The following PDGFC variants were observed in gnomAD, a reference collection of about 807,000 sequenced individuals.
The protein encoded by PDGFC is platelet-derived growth factor C.
PDGFC carries 12 observed loss-of-function variants against 35.5 expected under a neutral mutation model. The observed-to-expected ratio is 0.34, with a 90% CI of 0.22 to 0.55. PDGFC has a LOEUF of 0.55. Among genes scored for constraint, PDGFC ranks in the 20% least tolerant of loss-of-function variants. The pLI, the probability that PDGFC is intolerant of heterozygous loss-of-function variation, is 0.91. For synonymous variants in PDGFC, 159 were observed against 148.8 expected (o/e 1.07, Z -0.50); for missense variants, 322 against 412.4 (o/e 0.78, Z 1.90).
chr4:156,873,738 T>C (rs1730042110), intron 1 of PDGFC, among the ~76,000 whole-genome samples: 3 of 152,192 alleles, frequency 2.0e-5, no homozygotes. Flanking sequence ...ATGTGTTCAT[T>C]GTTTTAATCC....
chr4:156,790,868 T>C (rs1229603524), intron 3 of PDGFC, among the ~76,000 whole-genome samples: 2 of 152,150 alleles, frequency 1.3e-5, no homozygotes, highest in Non-Finnish European at 2.9e-5. Flanking sequence ...TGGCACAGGG[T>C]AGGAACTTGG....
intron 2 of PDGFC, among the ~76,000 whole-genome samples, chr4:156,845,673 A>G (rs1203502769): frequency 1.3e-5 from 2 of 151,884 alleles, no homozygotes; most frequent in African/African-American, 4.8e-5. Flanking sequence ...TTTTGCCTCC[A>G]TTTGCACATT....
At chr4:156,920,128 A>C (rs1386151964) in intron 1 of PDGFC, among the ~76,000 whole-genome samples, 1 of 152,230 alleles carries the variant, frequency 6.6e-6, no homozygotes, top group African/African-American at 2.4e-5. Flanking sequence ...CCAGAAGCTG[A>C]GCAGATACCA....
intron 1 of PDGFC, among the ~76,000 whole-genome samples, chr4:156,891,335 C>CAG (rs904757134): frequency 2.8e-5 from 3 of 108,028 alleles, no homozygotes; most frequent in Non-Finnish European, 5.7e-5. Flanking sequence ...AGGAAAAATA[C>CAG]AGTGTTATTA....
At chr4:156,941,874 A>C (rs926865830) in intron 1 of PDGFC, among the ~76,000 whole-genome samples, 12 of 152,170 alleles carry the variant, frequency 7.9e-5, no homozygotes, top group Non-Finnish European at 1.6e-4. Context: ...CCTGTTAATA[A>C]AGTAAAAATT....
At chr4:156,917,339 T>C (rs1731176736) in intron 1 of PDGFC, among the ~76,000 whole-genome samples, 1 of 152,180 alleles carries the variant, frequency 6.6e-6, no homozygotes, top group Non-Finnish European at 1.5e-5. Flanking sequence ...AAACTATTCA[T>C]AGTTCTATGG....
intron 1 of PDGFC, among the ~76,000 whole-genome samples, chr4:156,946,066 G>A (rs1216277303): frequency 6.6e-6 from 1 of 151,978 alleles, no homozygotes; most frequent in Admixed American, 6.6e-5. Context: ...TTATATTTAT[G>A]AAAAACTGAA....
chr4:156,941,059 G>A (rs1278423673), intron 1 of PDGFC, among the ~76,000 whole-genome samples: 2 of 152,128 alleles, frequency 1.3e-5, no homozygotes, highest in Non-Finnish European at 2.9e-5. Context: ...ATCTTCAACA[G>A]TCTTCACAGG....
intron 1 of PDGFC, among the ~76,000 whole-genome samples, chr4:156,954,539 T>G (rs1732159229): frequency 6.6e-6 from 1 of 152,026 alleles, no homozygotes; most frequent in Non-Finnish European, 1.5e-5. Context: ...GAACTTGCGA[T>G]GGTCATGCTC....
At chr4:156,824,327 T>TACACATATACACACAC (rs1553967645) in intron 2 of PDGFC, among the ~76,000 whole-genome samples, 2 of 102,842 alleles carry the variant, frequency 1.9e-5, no homozygotes, top group African/African-American at 4.5e-5. Flanking sequence ...TATATATATA[T>TACACATATACACACAC]ACACACACAC....
intron 2 of PDGFC, among the ~76,000 whole-genome samples, chr4:156,816,036 G>A (rs1014670008): frequency 6.6e-6 from 1 of 152,142 alleles, no homozygotes; most frequent in Non-Finnish European, 1.5e-5. Flanking sequence ...GAGGCCATGA[G>A]GACGTCTTTC....
chr4:156,922,356 T>C (rs1441058468), intron 1 of PDGFC, among the ~76,000 whole-genome samples: 1 of 152,198 alleles, frequency 6.6e-6, no homozygotes, highest in Non-Finnish European at 1.5e-5. Context: ...ATGGCTAACA[T>C]ATGCTAAGTA....
chr4:156,829,071 G>A (rs1309127841), intron 2 of PDGFC, among the ~76,000 whole-genome samples: 2 of 152,224 alleles, frequency 1.3e-5, no homozygotes, highest in Admixed American at 1.3e-4. Context: ...CTTCTATTAT[G>A]AGAAATTTAG....
chr4:156,770,399 T>C (rs1360296015), intron 4 of PDGFC: 5 of 152,078 alleles, frequency 3.3e-5, no homozygotes, highest in African/African-American at 1.2e-4. Flanking sequence ...TGCTGCCTAC[T>C]GCTAAGGCTT....
chr4:156,794,452 T>C (rs989350570), intron 3 of PDGFC, among the ~76,000 whole-genome samples: 1 of 151,066 alleles, frequency 6.6e-6, no homozygotes, highest in Non-Finnish European at 1.5e-5. Flanking sequence ...AACCAAGAAG[T>C]AGCTTAAGAT....
At chr4:156,961,614 A>T (rs1217984913) in intron 1 of PDGFC, among the ~76,000 whole-genome samples, 1 of 152,172 alleles carries the variant, frequency 6.6e-6, no homozygotes, top group Non-Finnish European at 1.5e-5. Flanking sequence ...CGGGACCCGA[A>T]TGAATGTCAG....
chr4:156,778,534 A>C (rs2110837748), intron 3 of PDGFC, among the ~76,000 whole-genome samples: 1 of 152,236 alleles, frequency 6.6e-6, no homozygotes, highest in East Asian at 1.9e-4. Context: ...ACTGTTTTGT[A>C]TTTTATTATG....
In PDGFC at chr4:156,900,580, C is replaced by T. The variant is rs1166349065; in HGVS notation, c.119-50164G>A. Reference sequence around the variant, plus strand: ...TAGGAAGCGGGTGGGGTGGCTCACACCTGTAATCCCAGCACTTCGGGAGGC... The same window carrying T: ...TAGGAAGCGGGTGGGGTGGCTCACATCTGTAATCCCAGCACTTCGGGAGGC... On this transcript the variant is annotated intron_variant, in intron 1 of 5. Transcript: ENST00000502773. Among the ~76,000 whole-genome samples, 4 of 152,122 alleles carry T rather than the reference C, an allele frequency of 2.6e-5. No homozygotes were observed. In the East Asian group the frequency reaches 5.8e-4, roughly 22 times the overall value.
intron 1 of PDGFC, among the ~76,000 whole-genome samples, chr4:156,916,325 T>C (rs1731156374): frequency 6.6e-6 from 1 of 152,208 alleles, no homozygotes; most frequent in Non-Finnish European, 1.5e-5. Context: ...AATTATGAGC[T>C]ATCCATTAGT....
Sources: allele counts gnomAD v4.1 joint callset (sites outside exome capture counted in the v4.1 genomes callset), GRCh38; gene constraint gnomAD v4.1.1; transcripts MANE v1.5; gene names NCBI Gene and HGNC (gene_info 2026-07-23, HGNC 2026-07-21).